SLCO1A2: variants seen among roughly 807,000 people sequenced by gnomAD.
The protein encoded by SLCO1A2 is solute carrier organic anion transporter family member 1A2, also known as OATP-1.
A neutral mutation model predicts 69.0 loss-of-function variants in SLCO1A2; 67 were observed. That is an observed-to-expected ratio of 0.97 (90% confidence interval 0.80 to 1.19). SLCO1A2 has a LOEUF of 1.19. Among genes scored for constraint, SLCO1A2 ranks in the 50% most tolerant of loss-of-function variants. The pLI is 0.00. For synonymous variants in SLCO1A2, 260 were observed against 265.9 expected, an observed-to-expected ratio of 0.98 and a Z score of 0.22; for missense variants, 787 against 793.7, an observed-to-expected ratio of 0.99 and a Z score of 0.10.
At chr12:21,390,363 CA>C (rs1385674382) in intron 1 of SLCO1A2, among the ~76,000 whole-genome samples, 2 of 151,610 alleles carry the variant, frequency 1.3e-5, no homozygotes, top group African/African-American at 4.8e-5. Flanking sequence ...CTAATGTCCA[CA>C]AAAAGGAAAA....
intron 2 of SLCO1A2, among the ~76,000 whole-genome samples, chr12:21,340,167 A>G (rs1953021874): frequency 6.6e-6 from 1 of 152,046 alleles, no homozygotes; most frequent in South Asian, 2.1e-4. Context: ...CATACCAAAT[A>G]AAACAAAATG....
intron 2 of SLCO1A2, among the ~76,000 whole-genome samples, chr12:21,331,833 T>C (rs1026115738): frequency 6.6e-6 from 1 of 152,050 alleles, no homozygotes; most frequent in African/African-American, 2.4e-5. Flanking sequence ...AACTAAAAAA[T>C]AGGAGTTGTA....
Position 21,265,025 on chromosome 12 carries a change from G to C in SLCO1A2, c.*4523C>G, listed in dbSNP as rs1941926397. The C allele has an allele frequency of 6.6e-6, 1 of 152,434 alleles. No homozygotes were observed. Among genetic ancestry groups the C allele is most frequent in the Non-Finnish European group, 1.5e-5 (1 of 68,226 alleles). 9.4% of individuals were successfully genotyped at this position (152,434 alleles called of 1,614,324 possible). A position where few individuals can be genotyped will look rare whatever the true frequency, so the allele number is the denominator to read the frequency against. The stretch of plus-strand genomic sequence containing the variant: ...TGAGCAGGAGGACATGAGGAGAGGA[G>C]GGATGGCAGAATTTTATCTGGAGCC... On this transcript the variant is annotated 3_prime_UTR_variant, in exon 15 of 15. Transcript: ENST00000683939.
intron 2 of SLCO1A2, among the ~76,000 whole-genome samples, chr12:21,322,976 G>T (rs1951824821): frequency 6.6e-6 from 1 of 152,138 alleles, no homozygotes; most frequent in Admixed American, 6.5e-5. Context: ...GCCTGCTTGA[G>T]ATCCACCCTG....
At chr12:21,330,098 C>T (rs1480537582) in intron 2 of SLCO1A2, among the ~76,000 whole-genome samples, 1 of 152,020 alleles carries the variant, frequency 6.6e-6, no homozygotes, top group Admixed American at 6.6e-5. Flanking sequence ...TTCTACATGA[C>T]ACATATAAAC....
chr12:21,382,422 C>T lies in SLCO1A2; in HGVS notation c.-189-7897G>A, dbSNP rs111543177. On this transcript the variant is annotated intron_variant, in intron 1 of 15. Coordinates refer to the SLCO1A2 transcript ENST00000307378. ...ACAGGTACACTAAAATGTTAAAATT[C>T]ACCACTATATAATTCATCGGTGTAA... is the stretch of plus-strand genomic sequence containing the variant. 3.9e-5 allele frequency among the ~76,000 whole-genome samples: 6 copies of T among 152,216 alleles called. 1 individual carries two copies. Among genetic ancestry groups the T allele is most frequent in the African/African-American group, 1.4e-4 (6 of 41,546 alleles).
At chr12:21,306,469 G>A (rs758032899) in intron 5 of SLCO1A2, among the ~76,000 whole-genome samples, 1 of 152,072 alleles carries the variant, frequency 6.6e-6, no homozygotes, top group African/African-American at 2.4e-5. Context: ...GGGATTACAG[G>A]TGCCCGCTAC....
chr12:21,348,797 G>C (rs970216480), intron 2 of SLCO1A2, among the ~76,000 whole-genome samples: 5 of 152,102 alleles, frequency 3.3e-5, no homozygotes, highest in Non-Finnish European at 7.4e-5. Flanking sequence ...GAGCACAGGG[G>C]ATTTTTAGGG....
chr12:21,353,948 A>T (rs997502460), intron 2 of SLCO1A2, among the ~76,000 whole-genome samples: 3 of 152,160 alleles, frequency 2.0e-5, no homozygotes, highest in African/African-American at 7.2e-5. Context: ...TTGGTGTGTG[A>T]CAAATGGAGG....
chr12:21,370,380 C>T (rs1939690720), intron 2 of SLCO1A2, among the ~76,000 whole-genome samples: 1 of 151,424 alleles, frequency 6.6e-6, no homozygotes, highest in African/African-American at 2.4e-5. Context: ...GCATAACGTG[C>T]AGGTTTGTTA....
chr12:21,396,327 G>T (rs1406382919), upstream of SLCO1A2, among the ~76,000 whole-genome samples: 1 of 150,134 alleles, frequency 6.7e-6, no homozygotes, highest in African/African-American at 2.5e-5. Flanking sequence ...AGAGAAAAAA[G>T]AATAAAAAGA....
chr12:21,314,180 C>G (rs1363781545), intron 4 of SLCO1A2, among the ~76,000 whole-genome samples: 2 of 152,010 alleles, frequency 1.3e-5, no homozygotes, highest in Admixed American at 6.6e-5. Context: ...GAAAAATCAG[C>G]CTTCAGACTG....
intron 12 of SLCO1A2, among the ~76,000 whole-genome samples, chr12:21,283,050 TC>T (rs1032718326): frequency 1.3e-5 from 2 of 151,960 alleles, no homozygotes; most frequent in Admixed American, 1.3e-4. Context: ...CCAATGACAT[TC>T]CCCACAGAAA....
chr12:21,316,301 A>G (rs555759047), intron 3 of SLCO1A2, among the ~76,000 whole-genome samples: 4 of 152,180 alleles, frequency 2.6e-5, no homozygotes, highest in African/African-American at 9.6e-5. Context: ...CTCTCTCTCA[A>G]CTAGACTTTA....
intron 2 of SLCO1A2, among the ~76,000 whole-genome samples, chr12:21,365,971 C>A (rs1377188989): frequency 5.3e-5 from 8 of 152,298 alleles, no homozygotes; most frequent in Non-Finnish European, 2.9e-5. Flanking sequence ...GTAGTTCAAC[C>A]ATTGTGGAAG....
intron 2 of SLCO1A2, among the ~76,000 whole-genome samples, chr12:21,359,317 A>G (rs1256608850): frequency 6.6e-6 from 1 of 152,174 alleles, no homozygotes; most frequent in African/African-American, 2.4e-5. Context: ...GAAGAAAAAC[A>G]CTAGTTTAAA....
At chr12:21,338,735 T>A, upstream of SLCO1A2, among the ~76,000 whole-genome samples, 1 of 152,098 alleles carries the variant, frequency 6.6e-6, no homozygotes, top group East Asian at 1.9e-4. Flanking sequence ...TACAAACATA[T>A]GTATTTCCAT....
At chr12:21,317,045 C>T (rs968937691) in intron 3 of SLCO1A2, among the ~76,000 whole-genome samples, 1 of 151,986 alleles carries the variant, frequency 6.6e-6, no homozygotes, top group Non-Finnish European at 1.5e-5. Context: ...TTTGATAATT[C>T]TACTTCAATA....
At chr12:21,280,631 C>T (rs1005511017) in intron 12 of SLCO1A2, among the ~76,000 whole-genome samples, 3 of 149,738 alleles carry the variant, frequency 2.0e-5, no homozygotes, top group Non-Finnish European at 4.4e-5. Flanking sequence ...ACAATAATAG[C>T]TGAAGAATTC....
Sources: gnomAD v4.1 joint callset for allele counts (sites outside exome capture counted in the v4.1 genomes callset) on GRCh38, gnomAD v4.1.1 for gene constraint, MANE v1.5 for transcripts, NCBI Gene and HGNC (gene_info 2026-07-23, HGNC 2026-07-21) for gene names.